FBXW8: variants seen among roughly 807,000 people sequenced by gnomAD.
FBXW8 encodes F-box and WD repeat domain containing 8, also known as F-box/WD repeat-containing protein 8.
Under a neutral mutation model 65.3 loss-of-function variants are expected in FBXW8, and 57 were observed. That is an observed-to-expected ratio of 0.87 (90% CI 0.71 to 1.09). The LOEUF is 1.09. Ranked by LOEUF, FBXW8 falls within the 50% of genes least tolerant of loss-of-function variation. The pLI is 0.00. For synonymous variants in FBXW8, 308 were observed against 330.2 expected (o/e 0.93, Z 0.73); for missense variants, 777 against 814.8 (o/e 0.95, Z 0.57).
chr12:116,940,677 T>C (rs1373514781), intron 2 of FBXW8, among the ~76,000 whole-genome samples: 2 of 152,156 alleles, frequency 1.3e-5, no homozygotes, highest in Non-Finnish European at 2.9e-5. Flanking sequence ...GTTTGTAATA[T>C]TCTTTATACC....
chr12:117,027,604 C>A, intron 10 of FBXW8, 100 bp downstream of exon 10: 1 of 920,316 alleles, frequency 1.1e-6, no homozygotes, highest in Non-Finnish European at 1.7e-6. Flanking sequence ...ATGGGCTATA[C>A]CCTCAGGCAG....
intron 5 of FBXW8, among the ~76,000 whole-genome samples, chr12:116,972,345 T>G (rs1465410903): frequency 6.6e-6 from 1 of 152,228 alleles, no homozygotes; most frequent in East Asian, 1.9e-4. Flanking sequence ...AATCGAATTT[T>G]AAGTGAGAGA....
chr12:116,992,082 G>C (rs925243106), intron 7 of FBXW8, among the ~76,000 whole-genome samples: 1 of 152,178 alleles, frequency 6.6e-6, no homozygotes, highest in Non-Finnish European at 1.5e-5. Flanking sequence ...TCAGCAAACT[G>C]GTGCTTGTCA....
At chr12:117,019,261 C>T (rs978404895) in intron 8 of FBXW8, among the ~76,000 whole-genome samples, 15 of 152,210 alleles carry the variant, frequency 9.9e-5, no homozygotes, top group Non-Finnish European at 2.1e-4. Context: ...ACTGGATGGA[C>T]TTGTTATGGA....
chr12:117,009,565 G>C (rs938034048), intron 7 of FBXW8, among the ~76,000 whole-genome samples: 2 of 152,234 alleles, frequency 1.3e-5, no homozygotes, highest in African/African-American at 4.8e-5. Context: ...ACCTACGACA[G>C]TGACTGACAC....
Position 116,911,237 on chromosome 12 carries a change from C to T in FBXW8, c.200C>T (p.Pro67Leu), listed in dbSNP as rs1035615463. 6.0e-5 allele frequency: 74 copies of T among 1,239,376 alleles called. No homozygotes were observed. The highest frequency in any genetic ancestry group is 7.3e-5 in the Non-Finnish European group (73 of 993,924). The allele number at this position is 1,239,376 out of a possible 1,614,324, so 76.8% of individuals were successfully genotyped here. A position where few individuals can be genotyped will look rare whatever the true frequency, so the allele number is the denominator to read the frequency against. The change falls in exon 1 of 11, where the codon CCG becomes CTG. Residue 67 changes from proline to leucine, a missense_variant. By Grantham distance (98) the Pro-to-Leu change is moderately conservative. Coordinates refer to ENST00000652555, the MANE Select transcript of FBXW8 (RefSeq NM_153348.3). The stretch of plus-strand genomic sequence containing the variant: ...CTCCTGGAGGGCGCGGGGAGGCCCC[C>T]GGCGGCGCGGGCGACTCGGGCCGAG... ...QRLLEGAGRP[P>L]AARATRAEGQ...
chr12:117,019,474 T>C (rs978434486), intron 8 of FBXW8, among the ~76,000 whole-genome samples: 31 of 152,348 alleles, frequency 2.0e-4, no homozygotes, highest in African/African-American at 7.5e-4. Flanking sequence ...TTTCCCAGCG[T>C]TGAGTATATC....
At chr12:116,985,494 C>A in intron 6 of FBXW8, 92 bp downstream of exon 6, 1 of 1,254,508 alleles carries the variant, frequency 8.0e-7, no homozygotes, top group Non-Finnish European at 1.1e-6. Flanking sequence ...AACTCCCATT[C>A]ACTCAGAGCT....
At chr12:116,948,821 C>T (rs928583876) in intron 3 of FBXW8, 2 of 152,214 alleles carry the variant, frequency 1.3e-5, no homozygotes, top group African/African-American at 4.8e-5. Context: ...GTGTTGCAAT[C>T]ATAACTCACT....
chr12:116,953,260 A>G (rs1479956233), intron 4 of FBXW8, among the ~76,000 whole-genome samples: 1 of 152,128 alleles, frequency 6.6e-6, no homozygotes, highest in African/African-American at 2.4e-5. Flanking sequence ...GGAACTTTAG[A>G]GATGATGCGT....
At chr12:116,996,215 T>C (rs891941911) in intron 7 of FBXW8, among the ~76,000 whole-genome samples, 1 of 152,116 alleles carries the variant, frequency 6.6e-6, no homozygotes, top group Non-Finnish European at 1.5e-5. Context: ...GAGCTGTGAG[T>C]GAAGTAATCC....
At chr12:117,005,463 T>G (rs183485637) in intron 7 of FBXW8, among the ~76,000 whole-genome samples, 39 of 152,290 alleles carry the variant, frequency 2.6e-4, no homozygotes, top group African/African-American at 8.9e-4. Flanking sequence ...TAGGAGAGTG[T>G]TACAACGTGT....
chr12:116,939,601 C>T (rs964139239), intron 2 of FBXW8, among the ~76,000 whole-genome samples: 14 of 151,950 alleles, frequency 9.2e-5, no homozygotes, highest in African/African-American at 2.2e-4. Context: ...CTTTTTTGTT[C>T]GGTAGTTACA....
At chr12:116,978,055 T>A (rs1885064968) in intron 5 of FBXW8, 1 of 152,266 alleles carries the variant, frequency 6.6e-6, no homozygotes, top group Non-Finnish European at 1.5e-5. Flanking sequence ...CAGATTCTTT[T>A]ACTTGTCAAT....
At chr12:117,002,630 A>G (rs1953558961) in intron 7 of FBXW8, 2 of 152,244 alleles carry the variant, frequency 1.3e-5, no homozygotes, top group Non-Finnish European at 2.9e-5. Context: ...GCTATGACTT[A>G]TCTCTGGCAA....
At chr12:116,925,183 G>T (rs987505321) in intron 1 of FBXW8, among the ~76,000 whole-genome samples, 11 of 152,284 alleles carry the variant, frequency 7.2e-5, no homozygotes, top group Admixed American at 5.9e-4. Flanking sequence ...ACTGAGCAAG[G>T]GGGCCAGGCC....
intron 4 of FBXW8, among the ~76,000 whole-genome samples, chr12:116,963,412 G>A (rs1884110252): frequency 6.6e-6 from 1 of 152,050 alleles, no homozygotes. Flanking sequence ...TTCAAGACCA[G>A]CTGGGGGAAA....
At chr12:116,985,612 G>A (rs995383902) in intron 6 of FBXW8, 6 of 517,450 alleles carry the variant, frequency 1.2e-5, no homozygotes, top group African/African-American at 1.1e-4. Context: ...GCAGTGAACT[G>A]ACTTGCCCCA....
chr12:117,016,351 C>A (rs1953945556), intron 8 of FBXW8, among the ~76,000 whole-genome samples: 1 of 152,212 alleles, frequency 6.6e-6, no homozygotes, highest in African/African-American at 2.4e-5. Flanking sequence ...TCTAGATTTG[C>A]ATTTCTCTGA....
Sources: gnomAD v4.1 joint callset for allele counts (sites outside exome capture counted in the v4.1 genomes callset) on GRCh38, gnomAD v4.1.1 for gene constraint, MANE v1.5 for transcripts, NCBI Gene and HGNC (gene_info 2026-07-23, HGNC 2026-07-21) for gene names.